The following CACNB1 variants were observed in gnomAD, a reference collection of about 807,000 sequenced individuals.
CACNB1 encodes the protein calcium voltage-gated channel auxiliary subunit beta 1.
CACNB1 carries 29 observed loss-of-function variants against 71.6 expected under a neutral mutation model. The ratio of observed to expected loss-of-function variants is 0.40; its 90% CI spans 0.30 to 0.55. The LOEUF (loss-of-function observed/expected upper bound fraction) is 0.55, where lower values mean the gene tolerates loss of function less well. Among genes scored for constraint, CACNB1 ranks in the 20% least tolerant of loss-of-function variants. CACNB1 has a pLI of 0.38. For synonymous variants in CACNB1, 300 were observed against 319.6 expected (o/e 0.94, Z 0.65); for missense variants, 623 against 801.8 (o/e 0.78, Z 2.69).
chr17:39,189,246 C>T (rs1455516634), intron 3 of CACNB1, among the ~76,000 whole-genome samples: 1 of 147,844 alleles, frequency 6.8e-6, no homozygotes, highest in African/African-American at 2.5e-5. Context: ...ACCTGTAATC[C>T]CAGCTACTCA....
rs1222766487 is a variant in CACNB1 at position 39,194,624 on chromosome 17, GAGATGACGC to G, written c.171+251_171+259del. 6.6e-6 allele frequency among the ~76,000 whole-genome samples: 1 copy of G among 152,010 alleles called. No individual in the cohort carries two copies. The highest frequency in any genetic ancestry group is 1.5e-5 in the Non-Finnish European group (1 of 67,970). ...GAGGCAGGCCAGGCTGTCCCTGAATGAGATGACGCAGGCCAGCAGGCAGCAGGGGAGGGT... is the reference window on the plus strand; with the variant it reads ...GAGGCAGGCCAGGCTGTCCCTGAATGAGGCCAGCAGGCAGCAGGGGAGGGT... On this transcript the variant is annotated intron_variant, in intron 2 of 13. Coordinates refer to ENST00000394303, the MANE Select transcript of CACNB1 (RefSeq NM_000723.5). This position sits in a 1 kb window ranked among gnomAD's most constrained non-coding sequence, Gnocchi z 4.6.
At chr17:39,188,688 G>A (rs1349401230) in intron 3 of CACNB1, among the ~76,000 whole-genome samples, 5 of 152,146 alleles carry the variant, frequency 3.3e-5, no homozygotes, top group Non-Finnish European at 7.3e-5. Context: ...GTAGAGGCGG[G>A]GCACTCAGGA....
At chr17:39,195,742 A>C (rs2046189189) in intron 1 of CACNB1, among the ~76,000 whole-genome samples, 1 of 152,122 alleles carries the variant, frequency 6.6e-6, no homozygotes, top group Non-Finnish European at 1.5e-5. Context: ...AGAGGGATCA[A>C]GCTTCTACCC....
chr17:39,178,535 A>G (rs2045654252), intron 11 of CACNB1, among the ~76,000 whole-genome samples: 1 of 151,838 alleles, frequency 6.6e-6, no homozygotes, highest in African/African-American at 2.4e-5. Context: ...ACGTGCCATC[A>G]TACCCCACTA....
chr17:39,181,799 C>T (rs984826746), intron 11 of CACNB1, among the ~76,000 whole-genome samples: 1 of 152,082 alleles, frequency 6.6e-6, no homozygotes, highest in Admixed American at 6.6e-5. Context: ...GGAGAAATCA[C>T]TTGAGGTCAG....
intron 7 of CACNB1, 108 bp downstream of exon 7, chr17:39,185,023 C>G: frequency 8.9e-7 from 1 of 1,124,562 alleles, no homozygotes; most frequent in East Asian, 2.3e-5. Context: ...CAGGGAGAAC[C>G]AGGAAGGGTG....
In CACNB1 at chr17:39,186,856, A is replaced by G. The variant is rs2045954136; in HGVS notation, c.488T>C (p.Val163Ala). The G allele has an allele frequency of 1.2e-6, 2 of 1,613,950 alleles. No individual in the cohort carries two copies. The highest frequency in any genetic ancestry group is 1.7e-6 in the Non-Finnish European group (2 of 1,179,982). The change falls in exon 5 of 14, where the codon GTC becomes GCC. Residue 163 changes from valine to alanine, a missense_variant. Coordinates refer to ENST00000394303, the MANE Select transcript of CACNB1 (RefSeq NM_000723.5). The surrounding 1 kb of genome is among the most constrained non-coding windows in gnomAD (Gnocchi z 4.1). The stretch of plus-strand genomic sequence containing the variant: ...CAGCAGGCGAAGGCTGTCCAGTTTG[A>G]CGGGGCTGGGAATGAAGCCAACCTC... ...GCEVGFIPSP[V>A]KLDSLRLLQE... is the part of the protein sequence containing the mutation.
chr17:39,183,779 G>T lies in CACNB1; in HGVS notation c.984C>A (p.His328Gln). ...LVALDADTIN[H>Q]PAQLSKTSLA... ...GCGAGGTCTTGGACAGCTGGGCTGG[G>T]TGATTGATGGTGTCAGCATCCAGAG... Residue 328 changes from histidine (H) to glutamine (Q), a missense_variant, in exon 11 of 14, where the codon CAC becomes CAA. By Grantham distance (24) the His-to-Gln change is conservative (BLOSUM62 0). Coordinates refer to ENST00000394303, the MANE Select transcript of CACNB1 (RefSeq NM_000723.5). 1 of 1,613,996 alleles carries T rather than the reference G, an allele frequency of 6.2e-7. No individual in the cohort carries two copies. Among genetic ancestry groups the T allele is most frequent in the Non-Finnish European group, 8.5e-7 (1 of 1,179,932 alleles).
intron 1 of CACNB1, among the ~76,000 whole-genome samples, chr17:39,196,152 G>A (rs1483898952): frequency 6.6e-6 from 1 of 152,150 alleles, no homozygotes. Context: ...CAGACTGGGG[G>A]CTTTGGCTGC....
intron 8 of CACNB1, 132 bp from the exon 9 acceptor site, chr17:39,184,515 G>A: frequency 1.5e-6 from 1 of 660,470 alleles, no homozygotes; most frequent in Non-Finnish European, 2.8e-6. Flanking sequence ...GCGGGCGGGG[G>A]TCTGAGTCTG....
At position 39,177,545 on chromosome 17, in the gene CACNB1, C is replaced by T. The variant is rs765899319; in HGVS notation, c.1147-10G>A. 1.7e-5 allele frequency: 27 copies of T among 1,561,990 alleles called. No homozygotes were observed. The highest frequency in any genetic ancestry group is 2.2e-5 in the Non-Finnish European group (25 of 1,150,632). Reference sequence around the variant, plus strand: ...TGATGTCAAACATTTCCTGTGAAGGCGGGGTTAGGGGGCAGGGCTGGGATG... The same window carrying T: ...TGATGTCAAACATTTCCTGTGAAGGTGGGGTTAGGGGGCAGGGCTGGGATG... On this transcript the variant is annotated splice_polypyrimidine_tract_variant and intron_variant, in intron 12 of 13. Transcript: ENST00000394303.
chr17:39,177,618 G>A (rs1350436353), intron 12 of CACNB1, 83 bp from the exon 13 acceptor site: 2 of 1,093,982 alleles, frequency 1.8e-6, no homozygotes, highest in East Asian at 4.8e-5. Context: ...GGTGCAGTGG[G>A]TAGAGTCAAG....
At chr17:39,187,721 G>A (rs966040991) in intron 3 of CACNB1, 120 bp from the exon 4 acceptor site, 4 of 1,178,058 alleles carry the variant, frequency 3.4e-6, no homozygotes, top group African/African-American at 1.5e-5. Flanking sequence ...CTTGAAATGT[G>A]TATGGACATG....
Position 39,191,031 on chromosome 17 carries a change from C to T in CACNB1, c.291+443G>A, listed in dbSNP as rs565736434. ...CATCCTGGCTAACATGGTGAAACCC[C>T]GTCTCTACTAAAAATACAAAAAATT... On this transcript the variant is annotated intron_variant, in intron 3 of 13. Transcript: ENST00000394303. Among the ~76,000 whole-genome samples the T allele has an allele frequency of 2.6e-4, 40 of 151,694 alleles. No individual in the cohort carries two copies. In the East Asian group the frequency reaches 4.4e-3, roughly 17 times the overall value.
At chr17:39,177,271 G>A in intron 13 of CACNB1, 79 bp downstream of exon 13, 2 of 1,605,278 alleles carry the variant, frequency 1.2e-6, no homozygotes, top group Non-Finnish European at 1.7e-6. Context: ...TGCTCCTGGG[G>A]CACCACACTG....
At position 39,186,486 on chromosome 17, in the gene CACNB1, TG is replaced by T. The variant is rs756647726; in HGVS notation, c.628+9del. 1 of 1,608,704 alleles carries T rather than the reference TG, an allele frequency of 6.2e-7. No individual in the cohort carries two copies. The highest frequency in any genetic ancestry group is 2.2e-5 in the East Asian group (1 of 44,832). On this transcript the variant is annotated intron_variant, in intron 6 of 13. Transcript: ENST00000394303. This position sits in a 1 kb window ranked among gnomAD's most constrained non-coding sequence, Gnocchi z 4.1. The stretch of plus-strand genomic sequence containing the variant: ...TTCTTCCCAAACCCCTGCATGGCGA[TG>T]GCTCTTACCACTGGCAGGGGGTGTG...
Position 39,177,024 on chromosome 17 carries a change from G to A in CACNB1, c.1332+326C>T, listed in dbSNP as rs981033678. The A allele has an allele frequency of 1.4e-5, 13 of 943,964 alleles. No homozygotes were observed. In the East Asian group the frequency reaches 2.1e-4, roughly 15 times the overall value. 58.5% of individuals were successfully genotyped at this position (943,964 alleles called of 1,614,324 possible). On this transcript the variant is annotated intron_variant, in intron 13 of 13. Transcript: ENST00000394303. ...CTTCCTAGTCCCTTGTCTTAAAAGCGCTCCCATCAGGCCTCATATCCAGCG... is the reference window on the plus strand; with the variant it reads ...CTTCCTAGTCCCTTGTCTTAAAAGCACTCCCATCAGGCCTCATATCCAGCG...
chr17:39,175,119 T>C lies in CACNB1; in HGVS notation c.*74A>G. 8.3e-7 allele frequency: 1 copy of C among 1,211,614 alleles called. No homozygotes were observed. The highest frequency in any genetic ancestry group is 2.3e-5 in the East Asian group (1 of 42,902). 75.1% of individuals were successfully genotyped at this position (1,211,614 alleles called of 1,614,324 possible). On this transcript the variant is annotated 3_prime_UTR_variant, in exon 14 of 14. Transcript: ENST00000394303. The surrounding 1 kb of genome is among the most constrained non-coding windows in gnomAD (Gnocchi z 4.7). ...AGCGCCCCCTGGAGGCGAATACATGTCAGGTGTGAGCCCCTCGCTCCCTCC... is the reference window on the plus strand; with the variant it reads ...AGCGCCCCCTGGAGGCGAATACATGCCAGGTGTGAGCCCCTCGCTCCCTCC...
chr17:39,197,454 G>T lies in CACNB1; in HGVS notation c.42C>A (p.Pro14=). 1 of 1,484,330 alleles carries T rather than the reference G, an allele frequency of 6.7e-7. No individual in the cohort carries two copies. The highest frequency in any genetic ancestry group is 8.9e-7 in the Non-Finnish European group (1 of 1,121,950). The allele number at this position is 1,484,330 out of a possible 1,614,324, so 91.9% of individuals were successfully genotyped here. ...AGACCTCCATGGGGATCTCCTGGGA[G>T]GGTGGGTAAGGGCCCCGGGACATGC... ...KTSMSRGPYP[P]SQEIPMEVFD... The change falls in exon 1 of 14, where the codon CCC becomes CCA. Residue 14 remains proline (P), a synonymous_variant. Transcript: ENST00000394303.
Sources: allele counts gnomAD v4.1 joint callset (sites outside exome capture counted in the v4.1 genomes callset), GRCh38; gene constraint gnomAD v4.1.1; non-coding constraint Gnocchi (gnomAD v3.1); transcripts MANE v1.5; gene names NCBI Gene and HGNC (gene_info 2026-07-23, HGNC 2026-07-21).